The following GBE1 variants were observed in gnomAD, a reference collection of about 807,000 sequenced individuals.
GBE1 encodes the protein 1,4-alpha-glucan-branching enzyme.
A neutral mutation model predicts 88.8 loss-of-function variants in GBE1; 70 were observed. The observed-to-expected ratio is 0.79, with a 90% CI of 0.65 to 0.96. The LOEUF (loss-of-function observed/expected upper bound fraction) is 0.96. Ranked by LOEUF, GBE1 falls within the 40% of genes least tolerant of loss-of-function variation. GBE1 has a pLI of 0.00. For synonymous variants in GBE1, 284 were observed against 300.1 expected (o/e 0.95, Z 0.56); for missense variants, 872 against 871.0 (o/e 1.00, Z -0.01).
intron 7 of GBE1, among the ~76,000 whole-genome samples, chr3:81,610,430 AAAAGG>A (rs1704162971): frequency 6.6e-6 from 1 of 152,236 alleles, no homozygotes; most frequent in Admixed American, 6.5e-5. Flanking sequence ...GTTCATAAAC[AAAAGG>A]TCTACATTTG....
chr3:81,709,589 T>C (rs530736134), intron 1 of GBE1, among the ~76,000 whole-genome samples: 1 of 152,202 alleles, frequency 6.6e-6, no homozygotes, highest in Non-Finnish European at 1.5e-5. Flanking sequence ...TATCATACCT[T>C]ATGATAAATT....
chr3:81,705,436 G>C lies in GBE1; in HGVS notation c.313+8C>G, dbSNP rs773124221. 1.9e-6 allele frequency: 3 copies of C among 1,564,782 alleles called. No homozygotes were observed. Among genetic ancestry groups the C allele is most frequent in the Non-Finnish European group, 1.7e-6 (2 of 1,156,212 alleles). On this transcript the variant is annotated splice_region_variant and intron_variant, in intron 2 of 15. Transcript: ENST00000429644. Reference sequence around the variant, plus strand: ...TTACTATTTAGTTCAATGCTTTCAAGTACTTACTAAAATCTCCAGTAAGAA... The same window carrying C: ...TTACTATTTAGTTCAATGCTTTCAACTACTTACTAAAATCTCCAGTAAGAA...
chr3:81,734,050 T>C (rs957717575), intron 1 of GBE1, among the ~76,000 whole-genome samples: 5 of 152,194 alleles, frequency 3.3e-5, no homozygotes, highest in South Asian at 4.1e-4. Flanking sequence ...GTATAATCAA[T>C]CATAAACAAC....
chr3:81,626,234 G>A (rs746887242), intron 7 of GBE1, among the ~76,000 whole-genome samples: 1 of 151,856 alleles, frequency 6.6e-6, no homozygotes, highest in East Asian at 1.9e-4. Context: ...TAAGGTAGTA[G>A]TAAAAATCTT....
intron 12 of GBE1, among the ~76,000 whole-genome samples, chr3:81,574,363 T>C (rs1162461811): frequency 6.6e-6 from 1 of 152,118 alleles, no homozygotes; most frequent in East Asian, 1.9e-4. Flanking sequence ...GTGTTTTATA[T>C]AAGTATAACA....
intron 7 of GBE1, among the ~76,000 whole-genome samples, chr3:81,617,838 C>T (rs1180919526): frequency 6.6e-6 from 1 of 151,762 alleles, no homozygotes; most frequent in Non-Finnish European, 1.5e-5. Flanking sequence ...ATTGAAAACA[C>T]ATGTACATGT....
At position 81,489,867 on chromosome 3, in the gene GBE1, G is replaced by A. The variant is rs1453641495; in HGVS notation, c.*540C>T. 3 of 152,174 alleles carry A rather than the reference G, an allele frequency of 2.0e-5. No homozygotes were observed. The highest frequency in any genetic ancestry group is 4.8e-5 in the African/African-American group (2 of 41,362). The allele number at this position is 152,174 out of a possible 1,614,324, so 9.4% of individuals were successfully genotyped here. A position where few individuals can be genotyped will look rare whatever the true frequency, so the allele number is the denominator to read the frequency against. On this transcript the variant is annotated 3_prime_UTR_variant, in exon 16 of 16. Coordinates refer to ENST00000429644, the MANE Select transcript of GBE1 (RefSeq NM_000158.4). ...AAATGAGACACGGATGAGTTCATAC[G>A]TAATGGCTTTTATATTACCTTGGAT... is the stretch of plus-strand genomic sequence containing the variant.
At chr3:81,565,883 A>G (rs1218900608) in intron 12 of GBE1, among the ~76,000 whole-genome samples, 1 of 152,222 alleles carries the variant, frequency 6.6e-6, no homozygotes, top group African/African-American at 2.4e-5. Context: ...ATCTATTTAC[A>G]TACATTTTGT....
At chr3:81,564,914 G>T (rs2106915088) in intron 12 of GBE1, among the ~76,000 whole-genome samples, 1 of 152,204 alleles carries the variant, frequency 6.6e-6, no homozygotes, top group South Asian at 2.1e-4. Context: ...AACAACTACT[G>T]CCAGAGCCTT....
chr3:81,728,282 A>G (rs1706139451), intron 1 of GBE1, among the ~76,000 whole-genome samples: 1 of 152,160 alleles, frequency 6.6e-6, no homozygotes, highest in Admixed American at 6.6e-5. Context: ...TAAACTCTGT[A>G]AAAGGAAATA....
intron 7 of GBE1, among the ~76,000 whole-genome samples, chr3:81,641,120 A>G (rs2107056192): frequency 6.6e-6 from 1 of 152,284 alleles, no homozygotes; most frequent in South Asian, 2.1e-4. Context: ...ATAAAAATCC[A>G]TCCACTTAAT....
At chr3:81,511,864 C>T (rs1177128773) in intron 14 of GBE1, among the ~76,000 whole-genome samples, 7 of 124,378 alleles carry the variant, frequency 5.6e-5, no homozygotes, top group African/African-American at 1.9e-4. Flanking sequence ...AATTGTCCTA[C>T]AAGAAAAAAA....
At chr3:81,597,831 G>T (rs548927260) in intron 7 of GBE1, among the ~76,000 whole-genome samples, 101 of 151,996 alleles carry the variant, frequency 6.6e-4, no homozygotes, top group African/African-American at 2.3e-3. Flanking sequence ...AAACAATCAT[G>T]ATTCTAATTG....
intron 7 of GBE1, among the ~76,000 whole-genome samples, chr3:81,629,678 C>A (rs546933412): frequency 6.6e-6 from 1 of 152,070 alleles, no homozygotes; most frequent in Non-Finnish European, 1.5e-5. Context: ...GCTAGGGAGG[C>A]CACAAAACTG....
intron 1 of GBE1, among the ~76,000 whole-genome samples, chr3:81,746,987 A>G (rs1479252340): frequency 6.6e-6 from 1 of 152,226 alleles, no homozygotes; most frequent in Non-Finnish European, 1.5e-5. Context: ...TCGCTTCTCA[A>G]TACAAGTTTG....
At chr3:81,586,988 C>T (rs1703811774) in intron 9 of GBE1, among the ~76,000 whole-genome samples, 1 of 151,950 alleles carries the variant, frequency 6.6e-6, no homozygotes, top group African/African-American at 2.4e-5. Flanking sequence ...GATGGGGTTT[C>T]ATCATGTTGG....
intron 1 of GBE1, among the ~76,000 whole-genome samples, chr3:81,737,608 G>T (rs1287028812): frequency 1.3e-5 from 2 of 150,922 alleles, no homozygotes; most frequent in Admixed American, 6.6e-5. Flanking sequence ...GTTTTACAGA[G>T]AATTTTTGTA....
At chr3:81,641,301 TC>T (rs1179512369) in intron 7 of GBE1, among the ~76,000 whole-genome samples, 1 of 152,142 alleles carries the variant, frequency 6.6e-6, no homozygotes, top group Admixed American at 6.6e-5. Context: ...TTGGGCATAT[TC>T]TACTTCTATA....
intron 10 of GBE1, among the ~76,000 whole-genome samples, chr3:81,583,500 T>C (rs957960231): frequency 2.6e-5 from 4 of 152,082 alleles, no homozygotes; most frequent in Admixed American, 2.6e-4. Flanking sequence ...ATGGTTAAAC[T>C]GTGGTATACC....
Sources: gnomAD v4.1 joint callset for allele counts (sites outside exome capture counted in the v4.1 genomes callset) on GRCh38, gnomAD v4.1.1 for gene constraint, MANE v1.5 for transcripts, NCBI Gene and HGNC (gene_info 2026-07-23, HGNC 2026-07-21) for gene names.